The following INTS6 variants were observed in gnomAD, a reference collection of about 807,000 sequenced individuals.
INTS6 encodes the protein integrator complex subunit 6.
In INTS6, 16 loss-of-function variants were observed where a neutral mutation model predicts 104.9. The observed-to-expected ratio is 0.15, with a 90% CI of 0.10 to 0.23. The LOEUF is 0.23. Ranked by LOEUF, INTS6 falls within the 10% of genes least tolerant of loss-of-function variation. The pLI, the probability that INTS6 is intolerant of heterozygous loss-of-function variation, is 1.00. For missense variants in INTS6, 584 were observed against 1,062.8 expected (o/e 0.55, Z 6.26); for synonymous variants, 324 against 358.7 (o/e 0.90, Z 1.09).
chr13:51,421,383 A>G (rs1177335998), intron 4 of INTS6: 8 of 751,634 alleles, frequency 1.1e-5, no homozygotes, highest in Non-Finnish European at 1.3e-5. Flanking sequence ...ACAAAGGGGG[A>G]AAAATCAGTA....
intron 3 of INTS6, among the ~76,000 whole-genome samples, chr13:51,356,407 GATA>G (rs1241410784): frequency 6.6e-6 from 1 of 152,172 alleles, no homozygotes; most frequent in Non-Finnish European, 1.5e-5. Flanking sequence ...TTCTATGTTT[GATA>G]ATGTGCAAAA....
chr13:51,344,425 C>T, the INTS6 span: 1 of 1,608,818 alleles, frequency 6.2e-7, no homozygotes, highest in Non-Finnish European at 8.5e-7. Flanking sequence ...ACCAGCCGAC[C>T]TCAGTGAGCC....
At chr13:51,342,817 G>A in the INTS6 span, among the ~76,000 whole-genome samples, 8 of 152,110 alleles carry the variant, frequency 5.3e-5, no homozygotes, top group South Asian at 1.2e-3. Context: ...GACCTTCCTC[G>A]ATAGAGTAAA....
chr13:51,387,783 C>T (rs935223471), intron 6 of INTS6, among the ~76,000 whole-genome samples: 1 of 152,136 alleles, frequency 6.6e-6, no homozygotes, highest in Non-Finnish European at 1.5e-5. Flanking sequence ...AGGTCCGCAG[C>T]ATCCTTTGCC....
intron 3 of INTS6, among the ~76,000 whole-genome samples, chr13:51,430,678 A>G (rs1957074454): frequency 6.6e-6 from 1 of 152,152 alleles, no homozygotes. Flanking sequence ...AGAGTATTTA[A>G]TTTCTTAAAA....
At chr13:51,343,019 T>G in the INTS6 span, among the ~76,000 whole-genome samples, 1 of 152,098 alleles carries the variant, frequency 6.6e-6, no homozygotes, top group Non-Finnish European at 1.5e-5. Context: ...GCAGCCTCGT[T>G]TGGCTGGGGA....
intron 4 of INTS6, among the ~76,000 whole-genome samples, chr13:51,412,668 T>C (rs777677597): frequency 1.9e-4 from 29 of 152,048 alleles, no homozygotes; most frequent in Non-Finnish European, 3.4e-4. Flanking sequence ...AAAACCAGAG[T>C]GGTTTCATTA....
At chr13:51,395,228 G>GAAT (rs1208246664) in intron 5 of INTS6, 72 bp downstream of exon 5, 2 of 1,397,490 alleles carry the variant, frequency 1.4e-6, no homozygotes, top group East Asian at 4.7e-5. Flanking sequence ...TGGAGCTTTT[G>GAAT]AATGTACACT....
In INTS6 at chr13:51,404,142, T is replaced by C. The variant is rs185204434; in HGVS notation, c.430-8659A>G. Among the ~76,000 whole-genome samples, 300 of 147,560 alleles carry C rather than the reference T, an allele frequency of 2.0e-3. 1 individual carries two copies. The highest frequency in any genetic ancestry group is 7.4e-3 in the African/African-American group (291 of 39,426). ...GAGAGAGACAACCCAGGCGTGGTGA[T>C]GCACACCTGCAGTCCCAGCTAGTTG... On this transcript the variant is annotated intron_variant, in intron 4 of 17. Coordinates refer to ENST00000311234, the MANE Select transcript of INTS6 (RefSeq NM_012141.3).
the INTS6 span, chr13:51,340,951 A>T: frequency 1.9e-5 from 17 of 885,396 alleles, no homozygotes; most frequent in Non-Finnish European, 2.7e-5. Context: ...AGCTCAATGC[A>T]TCTCTCCCTC....
At chr13:51,360,087 G>T (rs143842950), downstream of INTS6, among the ~76,000 whole-genome samples, 663 of 152,152 alleles carry the variant, frequency 4.4e-3, 6 homozygotes, top group African/African-American at 0.015. Context: ...ATGGAATGCC[G>T]CATATTCTTT....
Position 51,361,589 on chromosome 13 carries a change from A to C in INTS6, c.*4163T>G. 2 of 584,812 alleles carry C rather than the reference A, an allele frequency of 3.4e-6. No individual in the cohort carries two copies. Among genetic ancestry groups the C allele is most frequent in the East Asian group, 5.6e-5 (2 of 35,762 alleles). The allele number at this position is 584,812 out of a possible 1,614,324, so 36.2% of individuals were successfully genotyped here. The stretch of plus-strand genomic sequence containing the variant: ...ATAATTCTGAAAGTTACCTTCAATA[A>C]GGAATTTATTCCATGGAATGTGTTG... On this transcript the variant is annotated 3_prime_UTR_variant, in exon 18 of 18. Transcript: ENST00000311234.
chr13:51,401,924 A>G (rs749402226), intron 4 of INTS6, among the ~76,000 whole-genome samples: 2 of 152,212 alleles, frequency 1.3e-5, no homozygotes, highest in Non-Finnish European at 2.9e-5. Context: ...CAATGAAAAA[A>G]GAAAACCTTA....
rs946767257 is a variant in INTS6, at chr13:51,452,648, C to T, written c.-123G>A. The T allele has an allele frequency of 6.7e-6, 10 of 1,493,166 alleles. No homozygotes were observed. The African/African-American group carries it at 1.5e-4, about 22-fold the overall frequency. 92.5% of individuals were successfully genotyped at this position (1,493,166 alleles called of 1,614,324 possible). On this transcript the variant is annotated 5_prime_UTR_variant, in exon 1 of 18. Transcript: ENST00000311234. This position sits in a 1 kb window ranked among gnomAD's most constrained non-coding sequence, Gnocchi z 4.2. ...GGGAGCACGGCCCCCGGGAGGAAAA[C>T]ACTGTCTGGGTCTTTCCTCCGGCTG...
chr13:51,430,240 T>C, intron 4 of INTS6, 54 bp downstream of exon 4: 1 of 1,455,796 alleles, frequency 6.9e-7, no homozygotes, highest in South Asian at 1.2e-5. Context: ...CCTACAAAAA[T>C]AAAGGATTGT....
At chr13:51,345,348 G>A in the INTS6 span, among the ~76,000 whole-genome samples, 2 of 152,046 alleles carry the variant, frequency 1.3e-5, no homozygotes, top group Admixed American at 1.3e-4. Flanking sequence ...AAGCAAAATA[G>A]GATTGGGATG....
At chr13:51,380,787 G>A (rs71436250) in intron 10 of INTS6, among the ~76,000 whole-genome samples, 1 of 151,998 alleles carries the variant, frequency 6.6e-6, no homozygotes, top group Non-Finnish European at 1.5e-5. Context: ...CACATTATTG[G>A]TTTTACCTAC....
chr13:51,350,327 G>A (rs75749951), downstream of INTS6, among the ~76,000 whole-genome samples: 3,171 of 152,106 alleles, frequency 0.021, 56 homozygotes, highest in African/African-American at 0.05. Context: ...CATGAGGGAC[G>A]CTTAGCATAC....
At chr13:51,385,540 T>G (rs1956128859) in intron 7 of INTS6, among the ~76,000 whole-genome samples, 1 of 152,148 alleles carries the variant, frequency 6.6e-6, no homozygotes, top group African/African-American at 2.4e-5. Context: ...TTTTGTTTAA[T>G]TCCCAAAACA....
Sources: allele counts gnomAD v4.1 joint callset (sites outside exome capture counted in the v4.1 genomes callset), GRCh38; gene constraint gnomAD v4.1.1; non-coding constraint Gnocchi (gnomAD v3.1); transcripts MANE v1.5; gene names NCBI Gene and HGNC (gene_info 2026-07-23, HGNC 2026-07-21).